SH3GL3: variants seen among roughly 807,000 people sequenced by gnomAD.
SH3GL3 encodes SH3 domain containing GRB2 like 3, endophilin A3.
A neutral mutation model predicts 47.7 loss-of-function variants in SH3GL3; 33 were observed. That is an observed-to-expected ratio of 0.69 (90% CI 0.52 to 0.92). SH3GL3 has a LOEUF of 0.92. Among genes scored for constraint, SH3GL3 ranks in the 40% least tolerant of loss-of-function variants. The probability of loss-of-function intolerance (pLI) is 0.00; values close to 1 mark genes in which losing one functional copy is unlikely to be tolerated. For missense variants in SH3GL3, 363 were observed against 417.8 expected, an observed-to-expected ratio of 0.87 and a Z score of 1.14; for synonymous variants, 155 against 148.8, an observed-to-expected ratio of 1.04 and a Z score of -0.30.
the SH3GL3 span, among the ~76,000 whole-genome samples, chr15:83,630,204 C>T: frequency 6.6e-6 from 1 of 152,142 alleles, no homozygotes; most frequent in East Asian, 1.9e-4. Context: ...AACCTCTTTC[C>T]TTTATAAATT....
chr15:83,633,353 C>G, the SH3GL3 span, among the ~76,000 whole-genome samples: 1 of 152,040 alleles, frequency 6.6e-6, no homozygotes, highest in African/African-American at 2.4e-5. Flanking sequence ...TTTCTCTTTC[C>G]TCCTTTTCCC....
At chr15:83,548,073 G>T in intron 1 of SH3GL3, among the ~76,000 whole-genome samples, 1 of 151,030 alleles carries the variant, frequency 6.6e-6, no homozygotes, top group Admixed American at 6.6e-5. Context: ...TAATGTGGTG[G>T]TGTCTTCATT....
At chr15:83,535,986 T>C (rs2151688136) in intron 1 of SH3GL3, among the ~76,000 whole-genome samples, 1 of 152,270 alleles carries the variant, frequency 6.6e-6, no homozygotes, top group Middle Eastern at 3.4e-3. Context: ...TGATGCAAAC[T>C]GTAGGAAGCC....
intron 1 of SH3GL3, among the ~76,000 whole-genome samples, chr15:83,470,641 A>C (rs1359039021): frequency 6.6e-6 from 1 of 152,142 alleles, no homozygotes; most frequent in Non-Finnish European, 1.5e-5. Flanking sequence ...AATTACTTAT[A>C]TGTTAGCGCT....
chr15:83,618,042 A>C (rs1320833995), intron 8 of SH3GL3, 40 bp from the exon 9 acceptor site: 2 of 1,280,190 alleles, frequency 1.6e-6, no homozygotes, highest in African/African-American at 1.5e-5. Context: ...ATAATCCATC[A>C]TGTTCATCTG....
chr15:83,474,065 G>A (rs920179275), intron 1 of SH3GL3, among the ~76,000 whole-genome samples: 3 of 152,136 alleles, frequency 2.0e-5, no homozygotes, highest in African/African-American at 7.2e-5. Context: ...GTTTTAAATT[G>A]TAGTTAGTGT....
At position 83,447,611 on chromosome 15, in the gene SH3GL3, G is replaced by A; in HGVS notation, c.45+33G>A. 3 of 1,440,336 alleles carry A rather than the reference G, an allele frequency of 2.1e-6. No individual in the cohort carries two copies. The highest frequency in any genetic ancestry group is 4.8e-5 in the Admixed American group (2 of 41,942). 89.2% of individuals were successfully genotyped at this position (1,440,336 alleles called of 1,614,324 possible). A position where few individuals can be genotyped will look rare whatever the true frequency, so the allele number is the denominator to read the frequency against. On this transcript the variant is annotated intron_variant, in intron 1 of 8. Coordinates refer to ENST00000427482, the MANE Select transcript of SH3GL3 (RefSeq NM_003027.5). The surrounding 1 kb of genome is among the most constrained non-coding windows in gnomAD (Gnocchi z 5.1). ...GGCGCAGAGGAGGGAAGGAGGGAGG[G>A]GGACGCGGAGGCTGCGGCCCCCCGA...
intron 1 of SH3GL3, among the ~76,000 whole-genome samples, chr15:83,508,538 C>T (rs984640103): frequency 6.6e-6 from 1 of 151,574 alleles, no homozygotes; most frequent in Non-Finnish European, 1.5e-5. Context: ...AAGAGAGGAG[C>T]CATTGCAGAG....
chr15:83,481,782 C>T (rs1426706466), intron 1 of SH3GL3, among the ~76,000 whole-genome samples: 1 of 152,156 alleles, frequency 6.6e-6, no homozygotes, highest in African/African-American at 2.4e-5. Flanking sequence ...TGAAAGAAAG[C>T]TACTCTTGCT....
intron 1 of SH3GL3, among the ~76,000 whole-genome samples, chr15:83,515,350 A>G (rs2042937366): frequency 1.3e-5 from 2 of 152,190 alleles, no homozygotes; most frequent in African/African-American, 4.8e-5. Context: ...TTTGTTCTCC[A>G]GCTTTGATCA....
At chr15:83,581,473 T>C (rs1396151199) in intron 6 of SH3GL3, among the ~76,000 whole-genome samples, 1 of 152,178 alleles carries the variant, frequency 6.6e-6, no homozygotes, top group Non-Finnish European at 1.5e-5. Context: ...AGTCTAGACC[T>C]TGGAGCCCCT....
intron 1 of SH3GL3, chr15:83,491,036 G>A (rs1376418126): frequency 2.1e-6 from 3 of 1,442,308 alleles, no homozygotes; most frequent in African/African-American, 1.4e-5. Context: ...CCTTGTATTA[G>A]CAAGGAGTGA....
chr15:83,627,225 A>G, the SH3GL3 span, among the ~76,000 whole-genome samples: 15 of 152,158 alleles, frequency 9.9e-5, no homozygotes, highest in East Asian at 1.9e-4. Context: ...GTGAAACCCC[A>G]TCTCTACTAA....
chr15:83,513,093 G>T (rs181350935), intron 1 of SH3GL3, among the ~76,000 whole-genome samples: 1 of 152,258 alleles, frequency 6.6e-6, no homozygotes, highest in Admixed American at 6.5e-5. Context: ...CTGTGAATCT[G>T]TATTTTTCCG....
intron 1 of SH3GL3, among the ~76,000 whole-genome samples, chr15:83,545,143 A>C (rs1260891859): frequency 6.6e-6 from 1 of 152,098 alleles, no homozygotes; most frequent in East Asian, 1.9e-4. Context: ...CTCCTCTTTA[A>C]GGTCAATAAC....
At chr15:83,591,876 G>A (rs1055455794) in intron 8 of SH3GL3, among the ~76,000 whole-genome samples, 1 of 151,852 alleles carries the variant, frequency 6.6e-6, no homozygotes, top group Non-Finnish European at 1.5e-5. Context: ...TAATAGGGAC[G>A]GGGTTTCACT....
At chr15:83,605,622 CT>C (rs2060494169) in intron 8 of SH3GL3, among the ~76,000 whole-genome samples, 1 of 152,010 alleles carries the variant, frequency 6.6e-6, no homozygotes, top group South Asian at 2.1e-4. Flanking sequence ...GAGATGGAAT[CT>C]TTGATAATAT....
At chr15:83,476,958 C>A (rs1242318105) in intron 1 of SH3GL3, among the ~76,000 whole-genome samples, 1 of 152,176 alleles carries the variant, frequency 6.6e-6, no homozygotes, top group Non-Finnish European at 1.5e-5. Flanking sequence ...CAATGCTCAA[C>A]AGTTCTTTTT....
chr15:83,625,059 G>C, the SH3GL3 span, among the ~76,000 whole-genome samples: 1 of 152,036 alleles, frequency 6.6e-6, no homozygotes, highest in Non-Finnish European at 1.5e-5. Flanking sequence ...AGGAGTTCAA[G>C]ACCAGCCTGG....
Sources: allele counts gnomAD v4.1 joint callset (sites outside exome capture counted in the v4.1 genomes callset), GRCh38; gene constraint gnomAD v4.1.1; non-coding constraint Gnocchi (gnomAD v3.1); transcripts MANE v1.5; gene names NCBI Gene and HGNC (gene_info 2026-07-23, HGNC 2026-07-21).